The following GALNT17 variants were observed in gnomAD, a reference collection of about 807,000 sequenced individuals.
GALNT17 encodes UDP-GalNAc:polypeptide N-acetylgalactosaminyltransferase-like 3.
In GALNT17, 29 loss-of-function variants were observed where a neutral mutation model predicts 63.7. The observed-to-expected ratio is 0.46, with a 90% CI of 0.34 to 0.62. The LOEUF (loss-of-function observed/expected upper bound fraction) is 0.62. Among genes scored for constraint, GALNT17 ranks in the 20% least tolerant of loss-of-function variants. GALNT17 has a pLI of 0.01. For synonymous variants in GALNT17, 305 were observed against 318.3 expected, an observed-to-expected ratio of 0.96 and a Z score of 0.45; for missense variants, 603 against 799.6, an observed-to-expected ratio of 0.75 and a Z score of 2.97.
intron 5 of GALNT17, among the ~76,000 whole-genome samples, chr7:71,497,298 C>T (rs1307694962): frequency 6.6e-6 from 1 of 152,102 alleles, no homozygotes; most frequent in Non-Finnish European, 1.5e-5. Flanking sequence ...GTGGTTTAAA[C>T]AAGAAACATT....
At chr7:71,295,583 T>TCCTTCCTA (rs1273952690) in intron 1 of GALNT17, among the ~76,000 whole-genome samples, 6 of 149,852 alleles carry the variant, frequency 4.0e-5, no homozygotes, top group Admixed American at 4.0e-4. Context: ...TTTCCTACCT[T>TCCTTCCTA]CCTTCCTACC....
chr7:71,559,901 A>C lies in GALNT17; in HGVS notation c.963-11384A>C, dbSNP rs550807775. 2.2e-3 allele frequency among the ~76,000 whole-genome samples: 87 copies of C among 39,034 alleles called. 1 individual carries two copies. Among genetic ancestry groups the C allele is most frequent in the African/African-American group, 7.3e-3 (46 of 6,300 alleles). 25.6% of individuals were successfully genotyped at this position (39,034 alleles called of 152,430 possible). On this transcript the variant is annotated intron_variant, in intron 5 of 10. Transcript: ENST00000333538. The stretch of plus-strand genomic sequence containing the variant: ...ACACATTTTCAACATTAAAAACAAA[A>C]AAAAAAAAATCAGCCAGGCGCGGTA...
At chr7:71,229,916 AGC>A (rs1789756489) in intron 1 of GALNT17, among the ~76,000 whole-genome samples, 1 of 152,230 alleles carries the variant, frequency 6.6e-6, no homozygotes, top group Admixed American at 6.5e-5. Context: ...CTGTGGACTG[AGC>A]CAGAGGCCAG....
intron 5 of GALNT17, 148 bp from the exon 6 acceptor site, chr7:71,571,136 AC>A (rs1311525802): frequency 1.6e-6 from 1 of 606,350 alleles, no homozygotes; most frequent in South Asian, 1.9e-5. Context: ...CTAGGCTGGA[AC>A]CCAGTACATG....
At chr7:71,490,469 C>T (rs2116671337) in intron 5 of GALNT17, among the ~76,000 whole-genome samples, 1 of 152,176 alleles carries the variant, frequency 6.6e-6, no homozygotes, top group East Asian at 1.9e-4. Flanking sequence ...GGTGGGGACA[C>T]ACACAGGCAG....
intron 9 of GALNT17, among the ~76,000 whole-genome samples, chr7:71,693,740 A>G (rs1180582556): frequency 1.3e-5 from 2 of 151,834 alleles, no homozygotes; most frequent in Non-Finnish European, 2.9e-5. Flanking sequence ...TGATGAAATA[A>G]GCTGTACAAC....
chr7:71,141,878 G>GTGTGTGTA (rs1787900395), intron 1 of GALNT17, among the ~76,000 whole-genome samples: 1 of 119,100 alleles, frequency 8.4e-6, no homozygotes, highest in Non-Finnish European at 1.8e-5. Context: ...GTGTGTGTGT[G>GTGTGTGTA]TATGTGTGTA....
At chr7:71,281,920 A>G (rs1318352484) in intron 1 of GALNT17, among the ~76,000 whole-genome samples, 3 of 152,162 alleles carry the variant, frequency 2.0e-5, no homozygotes, top group Non-Finnish European at 4.4e-5. Flanking sequence ...CACCTGCTGG[A>G]GACAATTCTC....
intron 1 of GALNT17, among the ~76,000 whole-genome samples, chr7:71,282,752 C>T (rs1790800436): frequency 6.6e-6 from 1 of 150,936 alleles, no homozygotes; most frequent in South Asian, 2.1e-4. Context: ...TCAGGTGAAG[C>T]AGATATGGTA....
At chr7:71,571,499 A>T in intron 6 of GALNT17, 97 bp downstream of exon 6, 1 of 944,604 alleles carries the variant, frequency 1.1e-6, no homozygotes, top group Non-Finnish European at 1.7e-6. Context: ...CTTACAGCTG[A>T]TGAATGACAG....
chr7:71,701,906 T>TAA (rs1296640178), intron 9 of GALNT17, among the ~76,000 whole-genome samples: 1 of 128,762 alleles, frequency 7.8e-6, no homozygotes, highest in Non-Finnish European at 1.6e-5. Flanking sequence ...CACATATATA[T>TAA]ATATACATAT....
rs970505589 is a variant in GALNT17 at position 71,275,170 on chromosome 7, A to G, written c.239-60380A>G. On this transcript the variant is annotated intron_variant, in intron 1 of 10. Coordinates refer to ENST00000333538, the MANE Select transcript of GALNT17 (RefSeq NM_022479.3). Reference sequence around the variant, plus strand: ...CACCTCTCAGTTTCCTCCTTGGTCAAGTAAATATAATAATCCTTCCCTTAT... The same window carrying G: ...CACCTCTCAGTTTCCTCCTTGGTCAGGTAAATATAATAATCCTTCCCTTAT... 2.6e-5 allele frequency among the ~76,000 whole-genome samples: 4 copies of G among 152,332 alleles called. No individual in the cohort carries two copies. In the East Asian group the frequency reaches 5.8e-4, roughly 22 times the overall value.
chr7:71,474,896 A>G (rs1787698084), intron 5 of GALNT17, among the ~76,000 whole-genome samples: 1 of 152,094 alleles, frequency 6.6e-6, no homozygotes, highest in African/African-American at 2.4e-5. Flanking sequence ...CTAGAAGGAG[A>G]GAGGCAGAGG....
At chr7:71,260,717 C>T (rs1169395960) in intron 1 of GALNT17, among the ~76,000 whole-genome samples, 6 of 151,896 alleles carry the variant, frequency 4.0e-5, no homozygotes, top group Non-Finnish European at 2.9e-5. Flanking sequence ...GCGTCAGCCT[C>T]CCAAGTAGCT....
At chr7:71,687,305 A>G (rs1276914488) in intron 9 of GALNT17, among the ~76,000 whole-genome samples, 1 of 152,232 alleles carries the variant, frequency 6.6e-6, no homozygotes, top group African/African-American at 2.4e-5. Context: ...GCGATACATC[A>G]TCCAAACACC....
intron 2 of GALNT17, among the ~76,000 whole-genome samples, chr7:71,385,086 T>C (rs1378055954): frequency 1.3e-5 from 2 of 151,916 alleles, no homozygotes; most frequent in African/African-American, 4.8e-5. Context: ...GTGTGGCAGA[T>C]GTTAGGGCAG....
chr7:71,525,725 G>A (rs1357101616), intron 5 of GALNT17, among the ~76,000 whole-genome samples: 2 of 143,946 alleles, frequency 1.4e-5, no homozygotes, highest in African/African-American at 5.1e-5. Context: ...TCAGTCTTGG[G>A]TATGTCTTTT....
intron 6 of GALNT17, among the ~76,000 whole-genome samples, chr7:71,614,726 G>A (rs1377517297): frequency 6.7e-6 from 1 of 150,248 alleles, no homozygotes; most frequent in Non-Finnish European, 1.5e-5. Flanking sequence ...AAAAGAAACA[G>A]AAAGAAAAAG....
chr7:71,463,392 G>A (rs1749901435), intron 5 of GALNT17, among the ~76,000 whole-genome samples: 2 of 152,176 alleles, frequency 1.3e-5, no homozygotes, highest in African/African-American at 4.8e-5. Flanking sequence ...TCAGCAACAA[G>A]GAAGTGGGCC....
Sources: allele counts gnomAD v4.1 joint callset (sites outside exome capture counted in the v4.1 genomes callset), GRCh38; gene constraint gnomAD v4.1.1; transcripts MANE v1.5; gene names NCBI Gene and HGNC (gene_info 2026-07-23, HGNC 2026-07-21).